Variants in CALHM1 observed in about 807,000 individuals in gnomAD.
CALHM1 encodes calcium homeostasis modulator protein 1.
Under a neutral mutation model 14.8 loss-of-function variants are expected in CALHM1, and 11 were observed. The observed-to-expected ratio is 0.74, with a 90% CI of 0.47 to 1.23. The LOEUF (loss-of-function observed/expected upper bound fraction) is 1.23, where lower values mean the gene tolerates loss of function less well. CALHM1 is among the 50% of genes most tolerant of loss of function. The probability of loss-of-function intolerance (pLI) is 0.00; values close to 1 mark genes in which losing one functional copy is unlikely to be tolerated. For missense variants in CALHM1, 458 were observed against 496.4 expected (o/e 0.92, Z 0.74); for synonymous variants, 215 against 218.9 (o/e 0.98, Z 0.16).
At position 103,453,493 on chromosome 10, in the gene CALHM1, C is replaced by T. The variant is rs1244321528; in HGVS notation, c.*1769G>A. 1 of 152,038 alleles carries T rather than the reference C, an allele frequency of 6.6e-6. No individual in the cohort carries two copies. The highest frequency in any genetic ancestry group is 1.5e-5 in the Non-Finnish European group (1 of 68,022). The allele number at this position is 152,038 out of a possible 1,614,324, so 9.4% of individuals were successfully genotyped here. A position where few individuals can be genotyped will look rare whatever the true frequency, so the allele number is the denominator to read the frequency against. On this transcript the variant is annotated 3_prime_UTR_variant, in exon 2 of 2. Coordinates refer to ENST00000329905, the MANE Select transcript of CALHM1 (RefSeq NM_001001412.4). ...CCCAGGCTGGTCTCCAACTCCCAGG[C>T]TCAAGTGATCCTCCCTCCTTGGCCT...
chr10:103,455,292 C>G lies in CALHM1; in HGVS notation c.1011G>C (p.Lys337Asn), dbSNP rs1230381767. The change falls in exon 2 of 2, where the codon AAG (lysine) becomes AAC (asparagine). Residue 337 changes from lysine (K) to asparagine (N), a missense_variant. Physicochemically the swap from Lys to Asn is moderately conservative, Grantham distance 94 (BLOSUM62 0). Coordinates refer to ENST00000329905, the MANE Select transcript of CALHM1 (RefSeq NM_001001412.4). ...CTTTGCTGAAGTAGGTGGCCACCTC[C>G]TTACGCGGAGGCCGGGGCCCACCCC... ...WAGGGPRPPRKEVATYFSKV is the reference protein window; with the variant it reads ...WAGGGPRPPRNEVATYFSKV 2.5e-6 allele frequency: 4 copies of G among 1,611,490 alleles called. No homozygotes were observed. Among genetic ancestry groups the G allele is most frequent in the Non-Finnish European group, 3.4e-6 (4 of 1,179,130 alleles).
chr10:103,455,353 TG>T lies in CALHM1; in HGVS notation c.949del (p.Gln317ArgfsTer6). 1 of 1,613,504 alleles carries T rather than the reference TG, an allele frequency of 6.2e-7. No individual in the cohort carries two copies. The highest frequency in any genetic ancestry group is 8.5e-7 in the Non-Finnish European group (1 of 1,179,974). On this transcript the variant is annotated frameshift_variant, in exon 2 of 2. Transcript: ENST00000329905. LOFTEE classifies it high-confidence loss of function. ...GTTGCCCATCAGCGGTGGCTCCTCC[TG>T]GCCCAGCCGCAGAGGCGGTTTGCAT... ...HKCKPPLRLG[Q>X]EEPPLMGNGW...
Position 103,454,706 on chromosome 10 carries a change from G to C in CALHM1, c.*556C>G, listed in dbSNP as rs1468263483. The C allele has an allele frequency of 6.5e-6, 1 of 154,536 alleles. No homozygotes were observed. The highest frequency in any genetic ancestry group is 2.4e-5 in the African/African-American group (1 of 41,470). The allele number at this position is 154,536 out of a possible 1,614,324, so 9.6% of individuals were successfully genotyped here. The stretch of plus-strand genomic sequence containing the variant: ...CTTCTGACATCTTGTCTCATCGCCT[G>C]TCACCCCAGGTGTGTCACACCAGGT... On this transcript the variant is annotated 3_prime_UTR_variant, in exon 2 of 2. Transcript: ENST00000329905.
chr10:103,456,946 G>T (rs2133823943), intron 1 of CALHM1, among the ~76,000 whole-genome samples: 1 of 152,254 alleles, frequency 6.6e-6, no homozygotes, highest in East Asian at 1.9e-4. Context: ...GTGCCACCAA[G>T]CCTGGCTAAT....
chr10:103,456,626 C>T (rs2033153828), intron 1 of CALHM1, among the ~76,000 whole-genome samples: 1 of 152,120 alleles, frequency 6.6e-6, no homozygotes, highest in South Asian at 2.1e-4. Context: ...CCAGGCAGGT[C>T]GTGACAGAGC....
rs2033144184 is a variant in CALHM1, at chr10:103,455,836, T to C, written c.556-89A>G. The C allele has an allele frequency of 2.1e-6, 3 of 1,461,838 alleles. No individual in the cohort carries two copies. In the East Asian group the frequency reaches 7.2e-5, roughly 35 times the overall value. 90.6% of individuals were successfully genotyped at this position (1,461,838 alleles called of 1,614,324 possible). A position where few individuals can be genotyped will look rare whatever the true frequency, so the allele number is the denominator to read the frequency against. ...CCAAAGCACTCTCTATGCCAGTGCC[T>C]CTAGGGCAAAGAGCACAAATTGGGC... On this transcript the variant is annotated intron_variant, in intron 1 of 1. Transcript: ENST00000329905.
At chr10:103,455,773 G>C in intron 1 of CALHM1, 26 bp from the exon 2 acceptor site, 1 of 1,601,692 alleles carries the variant, frequency 6.2e-7, no homozygotes, top group Non-Finnish European at 8.5e-7. Context: ...AGAGAGTCAC[G>C]GGGCACTGTC....
In CALHM1 at chr10:103,458,614, C is replaced by T. The variant is rs200373153; in HGVS notation, c.138G>A (p.Pro46=). 32 of 1,613,934 alleles carry T rather than the reference C, an allele frequency of 2.0e-5. No individual in the cohort carries two copies. Among genetic ancestry groups the T allele is most frequent in the Middle Eastern group, 1.6e-4 (1 of 6,062 alleles). ...SAFDFNCPCL[P]GYNAAYSAGI... is the part of the protein sequence containing the mutation. ...CCGCGCTGTAGGCTGCATTGTAGCCCGGCAGGCAGGGGCAGTTGAAGTCGA... is the reference window on the plus strand; with the variant it reads ...CCGCGCTGTAGGCTGCATTGTAGCCTGGCAGGCAGGGGCAGTTGAAGTCGA... Residue 46 remains proline (P), a synonymous_variant, in exon 1 of 2, where the codon CCG becomes CCA. Transcript: ENST00000329905. The surrounding 1 kb of genome is among the most constrained non-coding windows in gnomAD (Gnocchi z 4.9).
chr10:103,455,318 C>G lies in CALHM1; in HGVS notation c.985G>C (p.Gly329Arg), dbSNP rs776187153. The change falls in exon 2 of 2, where the codon GGG (glycine) becomes CGG (arginine). Residue 329 changes from glycine (G) to arginine (R), a missense_variant. By Grantham distance (125) the Gly-to-Arg change is moderately radical (BLOSUM62 -2). Transcript: ENST00000329905. ...EPPLMGNGWAGGGPRPPRKEV... is the reference protein window; with the variant it reads ...EPPLMGNGWARGGPRPPRKEV... ...TTACGCGGAGGCCGGGGCCCACCCC[C>G]AGCCCAGCCGTTGCCCATCAGCGGT... The G allele has an allele frequency of 9.3e-6, 15 of 1,613,284 alleles. No individual in the cohort carries two copies. The highest frequency in any genetic ancestry group is 1.3e-5 in the Non-Finnish European group (15 of 1,179,938).
At position 103,455,776 on chromosome 10, in the gene CALHM1, G is replaced by GCA. The variant is rs749667310; in HGVS notation, c.556-31_556-30dup. The GCA allele has an allele frequency of 5.6e-6, 9 of 1,599,660 alleles. No individual in the cohort carries two copies. In the African/African-American group the frequency reaches 1.1e-4, roughly 19 times the overall value. On this transcript the variant is annotated intron_variant, in intron 1 of 1. Coordinates refer to ENST00000329905, the MANE Select transcript of CALHM1 (RefSeq NM_001001412.4). ...TGGGAAGATGAGAGAGAGTCACGGG[G>GCA]CACTGTCCTTGGGCCTCCGAGCCTG... is the stretch of plus-strand genomic sequence containing the variant.
chr10:103,455,419 TC>T lies in CALHM1; in HGVS notation c.883del (p.Asp295IlefsTer5). On this transcript the variant is annotated frameshift_variant, in exon 2 of 2. Transcript: ENST00000329905. LOFTEE classifies it high-confidence loss of function. ...EEREKLRGIT[D>X]QGTMNRLLTS... ...GAGCAGCCTGTTCATGGTGCCTTGA[TC>T]CGTGATGCCACGCAGCTTCTCCCTT... is the stretch of plus-strand genomic sequence containing the variant. 2 of 1,614,030 alleles carry T rather than the reference TC, an allele frequency of 1.2e-6. No homozygotes were observed. The highest frequency in any genetic ancestry group is 1.7e-6 in the Non-Finnish European group (2 of 1,180,040).
At chr10:103,457,066 G>A (rs553634555) in intron 1 of CALHM1, among the ~76,000 whole-genome samples, 52 of 152,286 alleles carry the variant, frequency 3.4e-4, no homozygotes, top group African/African-American at 1.2e-3. Context: ...CAAAGTGCTG[G>A]GATTACAGAC....
rs561210179 is a variant in CALHM1, at chr10:103,455,342, G to T, written c.961C>A (p.Pro321Thr). The T allele has an allele frequency of 1.8e-5, 29 of 1,613,572 alleles. No homozygotes were observed. The East Asian group carries it at 5.8e-4, about 32-fold the overall frequency. The change falls in exon 2 of 2, where the codon CCG (proline) becomes ACG (threonine). Residue 321 changes from proline (P) to threonine (T), a missense_variant. Coordinates refer to ENST00000329905, the MANE Select transcript of CALHM1 (RefSeq NM_001001412.4). ...PPLRLGQEEP[P>T]LMGNGWAGGG... ...CCAGCCCAGCCGTTGCCCATCAGCG[G>T]TGGCTCCTCCTGGCCCAGCCGCAGA...
Position 103,458,414 on chromosome 10 carries a change from ACGACAGGCG to A in CALHM1, c.329_337del (p.Ala110_Val112del). 1 of 1,609,112 alleles carries A rather than the reference ACGACAGGCG, an allele frequency of 6.2e-7. No individual in the cohort carries two copies. The highest frequency in any genetic ancestry group is 8.5e-7 in the Non-Finnish European group (1 of 1,176,920). ...GTCGAGTAGCGTGACGGCCACCCAG[ACGACAGGCG>A]CGATGAGGGCGCGCTGGGCCATGGA... On this transcript the variant is annotated inframe_deletion, in exon 1 of 2. Coordinates refer to ENST00000329905, the MANE Select transcript of CALHM1 (RefSeq NM_001001412.4). This position sits in a 1 kb window ranked among gnomAD's most constrained non-coding sequence, Gnocchi z 4.9.
chr10:103,456,867 C>T (rs1014292409), intron 1 of CALHM1, among the ~76,000 whole-genome samples: 5 of 152,254 alleles, frequency 3.3e-5, no homozygotes, highest in Non-Finnish European at 5.9e-5. Flanking sequence ...CATTTCACTG[C>T]AGCCTTGACC....
chr10:103,456,147 CAG>C (rs1348585964), intron 1 of CALHM1, among the ~76,000 whole-genome samples: 1 of 152,220 alleles, frequency 6.6e-6, no homozygotes, highest in African/African-American at 2.4e-5. Flanking sequence ...GCACCTATCT[CAG>C]AGTGTTGTTG....
In CALHM1 at chr10:103,455,444, T is replaced by C. The variant is rs769710393; in HGVS notation, c.859A>G (p.Arg287Gly). 6.2e-7 allele frequency: 1 copy of C among 1,613,980 alleles called. No individual in the cohort carries two copies. The highest frequency in any genetic ancestry group is 8.5e-7 in the Non-Finnish European group (1 of 1,180,010). The change falls in exon 2 of 2, where the codon AGG becomes GGG. Residue 287 changes from arginine to glycine, a missense_variant. By Grantham distance (125) the Arg-to-Gly change is moderately radical (BLOSUM62 -2). Transcript: ENST00000329905. ...PTTPDGAEEE[R>G]EKLRGITDQG... ...TCCGTGATGCCACGCAGCTTCTCCC[T>C]TTCCTCCTCCGCACCATCGGGGGTC...
chr10:103,458,533 G>T lies in CALHM1; in HGVS notation c.219C>A (p.Asn73Lys). ...ACTCTTCGGCCAGCATGGACACGTTGTTGTTCATGACCAGGCCAAGCAGAA... is the reference window on the plus strand; with the variant it reads ...ACTCTTCGGCCAGCATGGACACGTTTTTGTTCATGACCAGGCCAAGCAGAA... ...VLFLLGLVMN[N>K]NVSMLAEEWK... The change falls in exon 1 of 2, where the codon AAC becomes AAA. Residue 73 changes from asparagine (N) to lysine (K), a missense_variant. By Grantham distance (94) the Asn-to-Lys change is moderately conservative. Coordinates refer to ENST00000329905, the MANE Select transcript of CALHM1 (RefSeq NM_001001412.4). The surrounding 1 kb of genome is among the most constrained non-coding windows in gnomAD (Gnocchi z 4.9). 1.9e-6 allele frequency: 3 copies of T among 1,613,718 alleles called. No individual in the cohort carries two copies. The highest frequency in any genetic ancestry group is 1.6e-4 in the Middle Eastern group (1 of 6,062).
chr10:103,455,893 C>G, intron 1 of CALHM1, 146 bp from the exon 2 acceptor site: 1 of 960,382 alleles, frequency 1.0e-6, no homozygotes. Context: ...TCCATTTCCT[C>G]ATCTGTAAAA....
Sources: gnomAD v4.1 joint callset for allele counts (sites outside exome capture counted in the v4.1 genomes callset) on GRCh38, gnomAD v4.1.1 for gene constraint, Gnocchi (gnomAD v3.1) non-coding constraint, MANE v1.5 for transcripts, NCBI Gene and HGNC (gene_info 2026-07-23, HGNC 2026-07-21) for gene names.